The following C5orf58 variants were observed in gnomAD, a reference collection of about 807,000 sequenced individuals.
C5orf58 encodes the protein chromosome 5 open reading frame 58.
In C5orf58, 2 loss-of-function variants were observed where a neutral mutation model predicts 2.9. That is an observed-to-expected ratio of 0.69 (90% CI 0.28 to 2.18). The LOEUF (loss-of-function observed/expected upper bound fraction) is 2.18. Ranked by LOEUF, C5orf58 falls within the 30% of genes most tolerant of loss-of-function variation. The pLI is 0.13. For missense variants in C5orf58, 96 were observed against 91.7 expected, an observed-to-expected ratio of 1.05 and a Z score of -0.19; for synonymous variants, 37 against 33.4, an observed-to-expected ratio of 1.11 and a Z score of -0.37.
At chr5:170,240,380 AC>A (rs1392309340) in intron 3 of C5orf58, among the ~76,000 whole-genome samples, 16 of 141,518 alleles carry the variant, frequency 1.1e-4, no homozygotes, top group African/African-American at 4.2e-4. Context: ...GAACTAGTTT[AC>A]AGTCCCACCA....
At chr5:170,247,104 G>C (rs544913277), downstream of C5orf58, 3 of 152,182 alleles carry the variant, frequency 2.0e-5, no homozygotes, top group Non-Finnish European at 4.4e-5. Context: ...GAGCTTACTC[G>C]ATACTAGAAC....
intron 3 of C5orf58, 54 bp downstream of exon 3, chr5:170,235,124 A>G: frequency 1.1e-6 from 1 of 951,666 alleles, no homozygotes; most frequent in Non-Finnish European, 1.6e-6. Flanking sequence ...AATAAATGAT[A>G]GAGCCAGTTT....
chr5:170,244,738 G>T (rs1350573892), intron 3 of C5orf58, among the ~76,000 whole-genome samples: 10 of 152,096 alleles, frequency 6.6e-5, no homozygotes, highest in Non-Finnish European at 1.5e-4. Context: ...CCTCCCGTTA[G>T]CTCAGAGTAA....
rs1761265964 is a variant in C5orf58, at chr5:170,245,973, T to A, written c.106T>A (p.Leu36Ile). 5.6e-6 allele frequency: 9 copies of A among 1,613,276 alleles called. No homozygotes were observed. The highest frequency in any genetic ancestry group is 7.6e-6 in the Non-Finnish European group (9 of 1,179,616). The change falls in exon 4 of 4, where the codon TTA becomes ATA. Residue 36 changes from leucine (L) to isoleucine (I), a missense_variant. Leu to Ile is a conservative substitution (Grantham distance 5). Coordinates refer to ENST00000593851, the MANE Select transcript of C5orf58 (RefSeq NM_001102609.3). Reference protein sequence around the residue: ...ELKKIKELSQLLLCDLILHFN... With the variant: ...ELKKIKELSQILLCDLILHFN... ...TTTGTTTTGCACAGAGCTCTCCCAG[T>A]TATTGCTTTGTGACCTTATCCTACA...
chr5:170,242,219 G>A (rs1193108693), intron 3 of C5orf58, among the ~76,000 whole-genome samples: 2 of 147,814 alleles, frequency 1.4e-5, no homozygotes, highest in African/African-American at 5.0e-5. Flanking sequence ...TGTTCATCAA[G>A]GATATTGGTC....
intron 3 of C5orf58, among the ~76,000 whole-genome samples, chr5:170,235,975 A>G (rs1395980455): frequency 6.6e-6 from 1 of 152,064 alleles, no homozygotes; most frequent in East Asian, 1.9e-4. Flanking sequence ...CACTCTCTTT[A>G]TTACCCCTCA....
chr5:170,242,967 G>A (rs1333066299), intron 3 of C5orf58, among the ~76,000 whole-genome samples: 1 of 137,916 alleles, frequency 7.3e-6, no homozygotes, highest in Admixed American at 7.2e-5. Flanking sequence ...CAGAGATTCT[G>A]GTATGTTGTG....
chr5:170,243,289 T>C, intron 3 of C5orf58, among the ~76,000 whole-genome samples: 1 of 142,144 alleles, frequency 7.0e-6, no homozygotes. Flanking sequence ...AGATGTCTAT[T>C]AGGTCCGCTT....
intron 3 of C5orf58, among the ~76,000 whole-genome samples, chr5:170,236,199 A>G (rs1184345287): frequency 6.6e-6 from 1 of 151,886 alleles, no homozygotes; most frequent in Non-Finnish European, 1.5e-5. Flanking sequence ...CTCAAACAAA[A>G]TCAAGCTGTG....
chr5:170,252,008 G>T, exon 3 of C5orf58: 1 of 198,450 alleles, frequency 5.0e-6, no homozygotes, highest in South Asian at 8.5e-5. Context: ...GAAACGTCTA[G>T]GGCAAAAAGC....
intron 3 of C5orf58, among the ~76,000 whole-genome samples, chr5:170,239,655 C>T (rs1490663334): frequency 2.0e-5 from 3 of 152,002 alleles, no homozygotes; most frequent in Admixed American, 2.0e-4. Flanking sequence ...AAGTTAAAAC[C>T]ATATAAATCA....
chr5:170,245,371 C>A (rs1225600534), intron 3 of C5orf58, among the ~76,000 whole-genome samples: 1 of 152,224 alleles, frequency 6.6e-6, no homozygotes, highest in Non-Finnish European at 1.5e-5. Context: ...CCTCCCCCAG[C>A]CTCGCTGCTG....
chr5:170,233,027 C>T lies in C5orf58; in HGVS notation c.-85+20C>T, dbSNP rs529160998. On this transcript the variant is annotated intron_variant, in intron 1 of 3. Coordinates refer to ENST00000593851, the MANE Select transcript of C5orf58 (RefSeq NM_001102609.3). ...GGCCAGGTGGGTAGTGACGGCTGCT[C>T]GGTCTTGAAGGATCCTAATCTGGTT... is the stretch of plus-strand genomic sequence containing the variant. 5 of 961,396 alleles carry T rather than the reference C, an allele frequency of 5.2e-6. No homozygotes were observed. Among genetic ancestry groups the T allele is most frequent in the Admixed American group, 6.1e-5 (1 of 16,262 alleles). 59.6% of individuals were successfully genotyped at this position (961,396 alleles called of 1,614,324 possible).
At chr5:170,243,269 A>G (rs1321668402) in intron 3 of C5orf58, among the ~76,000 whole-genome samples, 8 of 145,680 alleles carry the variant, frequency 5.5e-5, no homozygotes, top group African/African-American at 2.1e-4. Flanking sequence ...TTTGGGGTGG[A>G]GAGTTCTGTA....
chr5:170,239,948 C>T (rs1035613314), intron 3 of C5orf58, among the ~76,000 whole-genome samples: 2 of 151,468 alleles, frequency 1.3e-5, no homozygotes, highest in Admixed American at 1.3e-4. Context: ...ACCACAGTTC[C>T]CAGAGTGTGA....
downstream of C5orf58, chr5:170,246,258 G>A (rs1761287805): frequency 1.5e-6 from 1 of 688,986 alleles, no homozygotes; most frequent in Admixed American, 3.1e-5. Flanking sequence ...GCTGTTTAAT[G>A]TTTTGAAGAA....
downstream of C5orf58, chr5:170,246,799 T>C (rs1761308652): frequency 1.3e-5 from 2 of 152,286 alleles, no homozygotes; most frequent in South Asian, 4.1e-4. Context: ...CCTGGGGTCA[T>C]ATAGAAGGTC....
chr5:170,236,226 G>A (rs1760734146), intron 3 of C5orf58, among the ~76,000 whole-genome samples: 1 of 151,758 alleles, frequency 6.6e-6, no homozygotes, highest in African/African-American at 2.4e-5. Context: ...AGAAGAAGAG[G>A]GCATGGCCGT....
intron 3 of C5orf58, among the ~76,000 whole-genome samples, chr5:170,242,952 C>T (rs367981261): frequency 6.6e-5 from 9 of 136,672 alleles, no homozygotes; most frequent in East Asian, 2.2e-4. Context: ...GCTTTGAATG[C>T]GTCCCAGAGA....
Sources: gnomAD v4.1 joint callset for allele counts (sites outside exome capture counted in the v4.1 genomes callset) on GRCh38, gnomAD v4.1.1 for gene constraint, MANE v1.5 for transcripts, NCBI Gene and HGNC (gene_info 2026-07-23, HGNC 2026-07-21) for gene names.